The following CRK variants were observed in gnomAD, a reference collection of about 807,000 sequenced individuals.
CRK encodes the protein CRK proto-oncogene, adaptor protein.
Under a neutral mutation model 29.8 loss-of-function variants are expected in CRK, and 4 were observed. The ratio of observed to expected loss-of-function variants is 0.13; its 90% CI spans 0.07 to 0.31. CRK has a LOEUF of 0.31. Ranked by LOEUF, CRK falls within the 10% of genes least tolerant of loss-of-function variation. The pLI, the probability that CRK is intolerant of heterozygous loss-of-function variation, is 1.00. For synonymous variants in CRK, 153 were observed against 164.9 expected, an observed-to-expected ratio of 0.93 and a Z score of 0.55; for missense variants, 274 against 396.5, an observed-to-expected ratio of 0.69 and a Z score of 2.62.
intron 1 of CRK, among the ~76,000 whole-genome samples, chr17:1,447,727 C>G (rs1441902727): frequency 6.6e-6 from 1 of 151,480 alleles, no homozygotes; most frequent in Admixed American, 6.6e-5. Flanking sequence ...GCAATTCTCC[C>G]TTCCTTAGCC....
At chr17:1,432,104 C>G (rs2073849191) in intron 2 of CRK, among the ~76,000 whole-genome samples, 1 of 152,140 alleles carries the variant, frequency 6.6e-6, no homozygotes. Context: ...CCAGGCTGGT[C>G]CTCAGCCTCC....
At chr17:1,425,383 C>G (rs1401033076) in intron 2 of CRK, among the ~76,000 whole-genome samples, 3 of 152,092 alleles carry the variant, frequency 2.0e-5, no homozygotes, top group Admixed American at 1.3e-4. Context: ...TGAGCCACCA[C>G]GCCTGGCCAT....
At position 1,436,775 on chromosome 17, in the gene CRK, A is replaced by G; in HGVS notation, c.622T>C (p.Ser208Pro). 1 of 1,585,794 alleles carries G rather than the reference A, an allele frequency of 6.3e-7. No homozygotes were observed. Among genetic ancestry groups the G allele is most frequent in the Non-Finnish European group, 8.6e-7 (1 of 1,168,384 alleles). Residue 208 changes from serine (S) to proline (P), a missense_variant, in exon 2 of 3, where the codon TCC becomes CCC. By Grantham distance (74) the Ser-to-Pro change is moderately conservative. This residue lies in a region of CRK where 121 missense variants were observed against 154.3 expected (regional missense o/e 0.78). Transcript: ENST00000300574. Reference protein sequence around the residue: ...SALIGGNQEGSHPQPLGGPEP... With the variant: ...SALIGGNQEGPHPQPLGGPEP... ...GGCCCACCCAGTGGCTGTGGGTGGG[A>G]ACCCTCCTGGTTACCTCCAATCAGA...
At chr17:1,447,082 A>G (rs1298386401) in intron 1 of CRK, among the ~76,000 whole-genome samples, 3 of 152,188 alleles carry the variant, frequency 2.0e-5, no homozygotes, top group Admixed American at 1.3e-4. Flanking sequence ...TCCAGAAGGA[A>G]GGGAGGAGAA....
intron 2 of CRK, among the ~76,000 whole-genome samples, chr17:1,425,689 G>GT (rs1326528759): frequency 2.0e-5 from 3 of 152,194 alleles, no homozygotes; most frequent in Non-Finnish European, 2.9e-5. Flanking sequence ...CAAAGCCAAC[G>GT]TAAGTCCAGC....
chr17:1,430,900 T>C (rs1456792692), intron 2 of CRK, among the ~76,000 whole-genome samples: 1 of 151,250 alleles, frequency 6.6e-6, no homozygotes, highest in Non-Finnish European at 1.5e-5. Context: ...ACCCCGTCTC[T>C]ACTAAAAATA....
At chr17:1,453,768 G>C (rs897557966) in intron 1 of CRK, among the ~76,000 whole-genome samples, 6 of 152,124 alleles carry the variant, frequency 3.9e-5, no homozygotes, top group Non-Finnish European at 7.3e-5. Flanking sequence ...CTAGCCAGGC[G>C]TAGTGGAGTG....
At chr17:1,432,118 T>A (rs1409298985) in intron 2 of CRK, among the ~76,000 whole-genome samples, 2 of 152,166 alleles carry the variant, frequency 1.3e-5, no homozygotes, top group African/African-American at 4.8e-5. Context: ...AGCCTCCTCA[T>A]CCTGTAACAC....
chr17:1,451,326 G>A (rs1201750200), intron 1 of CRK, among the ~76,000 whole-genome samples: 1 of 151,548 alleles, frequency 6.6e-6, no homozygotes, highest in African/African-American at 2.4e-5. Context: ...TGCCTCCGGG[G>A]TTCAAGCGAT....
At chr17:1,428,526 T>TC (rs1374288168) in intron 2 of CRK, among the ~76,000 whole-genome samples, 5 of 147,080 alleles carry the variant, frequency 3.4e-5, no homozygotes, top group African/African-American at 1.3e-4. Flanking sequence ...CAGATCTTTT[T>TC]TTTTTTTTTT....
At chr17:1,453,439 C>A (rs1470424736) in intron 1 of CRK, among the ~76,000 whole-genome samples, 1 of 152,158 alleles carries the variant, frequency 6.6e-6, no homozygotes, top group East Asian at 1.9e-4. Flanking sequence ...CATGTGACGA[C>A]ATATAATGCA....
At chr17:1,426,536 G>C (rs542744710) in intron 2 of CRK, 3 of 152,286 alleles carry the variant, frequency 2.0e-5, no homozygotes, top group Non-Finnish European at 4.4e-5. Context: ...TTCAAGACCA[G>C]CCTGGGCACC....
At chr17:1,426,843 C>G (rs758849306) in intron 2 of CRK, among the ~76,000 whole-genome samples, 2 of 83,138 alleles carry the variant, frequency 2.4e-5, no homozygotes, top group African/African-American at 6.6e-5. Flanking sequence ...GCCTGGCCAA[C>G]AGAGTTACAC....
At position 1,421,566 on chromosome 17, in the gene CRK, G is replaced by A. The variant is rs1407399146; in HGVS notation, c.*1947C>T. The stretch of plus-strand genomic sequence containing the variant: ...TTTATCAAGCATGACCTTAGTGTGA[G>A]GTAAAATACATTAAATTAGCGTCAA... On this transcript the variant is annotated 3_prime_UTR_variant, in exon 3 of 3. Transcript: ENST00000300574. 6.6e-6 allele frequency: 1 copy of A among 152,152 alleles called. No homozygotes were observed. Among genetic ancestry groups the A allele is most frequent in the Admixed American group, 6.6e-5 (1 of 15,254 alleles). 9.4% of individuals were successfully genotyped at this position (152,152 alleles called of 1,614,324 possible). A position where few individuals can be genotyped will look rare whatever the true frequency, so the allele number is the denominator to read the frequency against.
chr17:1,424,443 C>G (rs1034295465), intron 2 of CRK: 1 of 152,226 alleles, frequency 6.6e-6, no homozygotes, highest in African/African-American at 2.4e-5. Flanking sequence ...TTACTGCTTG[C>G]ACAGCAGAAA....
chr17:1,453,947 T>A (rs1051171000), intron 1 of CRK, among the ~76,000 whole-genome samples: 1 of 151,868 alleles, frequency 6.6e-6, no homozygotes, highest in African/African-American at 2.4e-5. Flanking sequence ...ACGCCTGTAA[T>A]CCCAGCATTT....
chr17:1,441,761 AT>A (rs1305486648), intron 1 of CRK, among the ~76,000 whole-genome samples: 1 of 151,972 alleles, frequency 6.6e-6, no homozygotes, highest in East Asian at 1.9e-4. Flanking sequence ...AAGTGCTGGG[AT>A]TACAGGCGTG....
chr17:1,438,846 T>TA (rs879459558), intron 1 of CRK, among the ~76,000 whole-genome samples: 1,684 of 145,824 alleles, frequency 0.012, 27 homozygotes, highest in African/African-American at 0.038. Context: ...AAAGTTTCTT[T>TA]AAAAAAAAAA....
At chr17:1,438,154 G>A (rs142984336) in intron 1 of CRK, among the ~76,000 whole-genome samples, 233 of 152,022 alleles carry the variant, frequency 1.5e-3, no homozygotes, top group African/African-American at 5.4e-3. Flanking sequence ...TTTTGGGACA[G>A]AGTCTCGCTG....
Sources: gnomAD v4.1 joint callset for allele counts (sites outside exome capture counted in the v4.1 genomes callset) on GRCh38, gnomAD v4.1.1 for gene constraint, gnomAD v4.1.1 regional missense constraint, MANE v1.5 for transcripts, NCBI Gene and HGNC (gene_info 2026-07-23, HGNC 2026-07-21) for gene names.